The following GPT2 variants were observed in gnomAD, a reference collection of about 807,000 sequenced individuals.
GPT2 encodes alanine aminotransferase 2.
A neutral mutation model predicts 56.9 loss-of-function variants in GPT2; 30 were observed. The ratio of observed to expected loss-of-function variants is 0.53; its 90% confidence interval spans 0.39 to 0.72. The LOEUF (loss-of-function observed/expected upper bound fraction) is 0.72. Among genes scored for constraint, GPT2 ranks in the 30% least tolerant of loss-of-function variants. The pLI, the probability that GPT2 is intolerant of heterozygous loss-of-function variation, is 0.00. For synonymous variants in GPT2, 271 were observed against 283.1 expected, an observed-to-expected ratio of 0.96 and a Z score of 0.43; for missense variants, 542 against 703.4, an observed-to-expected ratio of 0.77 and a Z score of 2.60.
chr16:46,905,058 G>T (rs1043687528), intron 4 of GPT2, among the ~76,000 whole-genome samples: 4 of 149,562 alleles, frequency 2.7e-5, no homozygotes, highest in African/African-American at 9.8e-5. Context: ...CCAGTTCAGG[G>T]CTTTTTTTTT....
At chr16:46,901,617 T>A (rs1259171903) in intron 4 of GPT2, among the ~76,000 whole-genome samples, 1 of 152,250 alleles carries the variant, frequency 6.6e-6, no homozygotes, top group Non-Finnish European at 1.5e-5. Flanking sequence ...TGAGCCCTGA[T>A]GTTCCCGAAA....
At chr16:46,917,476 G>T (rs909902204) in intron 7 of GPT2, among the ~76,000 whole-genome samples, 2 of 152,166 alleles carry the variant, frequency 1.3e-5, no homozygotes, top group African/African-American at 4.8e-5. Flanking sequence ...TCTTAACCCG[G>T]TACCTGTTGC....
At chr16:46,885,515 C>G (rs1223979799) in intron 2 of GPT2, 1 of 985,222 alleles carries the variant, frequency 1.0e-6, no homozygotes, top group African/African-American at 1.7e-5. Flanking sequence ...GAATTCCTTC[C>G]TTTAGGCCCC....
chr16:46,923,929 GGAAAGACAT>G, intron 9 of GPT2: 1 of 277,860 alleles, frequency 3.6e-6, no homozygotes. Context: ...CTCATTTTCT[GGAAAGACAT>G]CCTGGTACGA....
intron 2 of GPT2, among the ~76,000 whole-genome samples, chr16:46,894,513 C>G (rs988682462): frequency 1.3e-5 from 2 of 152,210 alleles, no homozygotes; most frequent in South Asian, 4.1e-4. Flanking sequence ...TAACTGCCCA[C>G]ACCCTCAACC....
intron 5 of GPT2, among the ~76,000 whole-genome samples, chr16:46,907,642 G>T (rs908539306): frequency 6.6e-6 from 1 of 152,316 alleles, no homozygotes; most frequent in East Asian, 1.9e-4. Flanking sequence ...AGCAAGGGTC[G>T]GAGTTACCAG....
chr16:46,923,806 A>C (rs1185196333), intron 9 of GPT2: 1 of 192,430 alleles, frequency 5.2e-6, no homozygotes, highest in African/African-American at 2.3e-5. Flanking sequence ...TCCCCCCCAG[A>C]TGCATTGGTG....
chr16:46,884,930 C>T lies in GPT2; in HGVS notation c.215C>T (p.Ala72Val). 6.5e-7 allele frequency: 1 copy of T among 1,528,128 alleles called. No individual in the cohort carries two copies. The highest frequency in any genetic ancestry group is 8.8e-7 in the Non-Finnish European group (1 of 1,135,450). 94.7% of individuals were successfully genotyped at this position (1,528,128 alleles called of 1,614,324 possible). Residue 72 changes from alanine to valine, a missense_variant, in exon 2 of 12, where the codon GCC becomes GTC. Coordinates refer to ENST00000340124, the MANE Select transcript of GPT2 (RefSeq NM_133443.4). ...GTGCGGGGACCCATCGTGCTCAAGG[C>T]CGGCGAGATCGAGCTCGAGCTGCAG... ...YAVRGPIVLKAGEIELELQRG... is the reference protein window; with the variant it reads ...YAVRGPIVLKVGEIELELQRG...
intron 10 of GPT2, among the ~76,000 whole-genome samples, chr16:46,926,177 G>A (rs573997481): frequency 2.6e-5 from 4 of 151,626 alleles, no homozygotes; most frequent in East Asian, 1.9e-4. Context: ...GTCCGAGCGC[G>A]GTGGCTCACG....
chr16:46,922,165 G>C, intron 8 of GPT2, 77 bp from the exon 9 acceptor site: 1 of 1,443,786 alleles, frequency 6.9e-7, no homozygotes, highest in South Asian at 1.2e-5. Flanking sequence ...GAATGCTTTC[G>C]ATTCTGGCTG....
At chr16:46,898,939 TAC>T (rs1313078613) in intron 3 of GPT2, among the ~76,000 whole-genome samples, 5 of 90,866 alleles carry the variant, frequency 5.5e-5, no homozygotes, top group South Asian at 6.5e-4. Context: ...TGTATATATA[TAC>T]ACACACATAT....
intron 4 of GPT2, among the ~76,000 whole-genome samples, chr16:46,905,995 C>T (rs1393505698): frequency 6.6e-6 from 1 of 152,210 alleles, no homozygotes; most frequent in East Asian, 1.9e-4. Context: ...GGATGCCTTG[C>T]AGTCCCAGGG....
intron 8 of GPT2, among the ~76,000 whole-genome samples, chr16:46,921,258 T>C (rs1961280601): frequency 6.6e-6 from 1 of 152,166 alleles, no homozygotes; most frequent in South Asian, 2.1e-4. Context: ...AACCTCTGCC[T>C]CCCGGTCTTG....
chr16:46,914,034 A>T (rs1961094756), intron 6 of GPT2, among the ~76,000 whole-genome samples: 1 of 152,248 alleles, frequency 6.6e-6, no homozygotes, highest in Admixed American at 6.5e-5. Context: ...AGCCCTTGTT[A>T]AGAAGTTAGC....
chr16:46,904,166 G>C (rs929034957), intron 4 of GPT2, among the ~76,000 whole-genome samples: 3 of 152,226 alleles, frequency 2.0e-5, no homozygotes, highest in Non-Finnish European at 4.4e-5. Context: ...CGAGAGAAAT[G>C]CACAGAAGAA....
chr16:46,894,121 C>T (rs1960639521), intron 2 of GPT2, among the ~76,000 whole-genome samples: 1 of 152,204 alleles, frequency 6.6e-6, no homozygotes, highest in Admixed American at 6.5e-5. Context: ...GCAAAGTGTC[C>T]AGGATCTGCA....
intron 5 of GPT2, among the ~76,000 whole-genome samples, chr16:46,909,157 C>T (rs1960993878): frequency 1.3e-5 from 2 of 152,236 alleles, no homozygotes; most frequent in South Asian, 4.1e-4. Flanking sequence ...TGATAACACA[C>T]ATTCCTGGGC....
intron 11 of GPT2, among the ~76,000 whole-genome samples, chr16:46,927,746 T>A (rs768539552): frequency 1.3e-5 from 2 of 151,976 alleles, no homozygotes; most frequent in Non-Finnish European, 2.9e-5. Context: ...TGGACAAACC[T>A]TGTCCGGTTG....
intron 10 of GPT2, among the ~76,000 whole-genome samples, chr16:46,926,012 C>T (rs1961399720): frequency 6.6e-6 from 1 of 151,228 alleles, no homozygotes; most frequent in Non-Finnish European, 1.5e-5. Flanking sequence ...GCAGTGTAAT[C>T]CCAGCTACTC....
Sources: allele counts gnomAD v4.1 joint callset (sites outside exome capture counted in the v4.1 genomes callset), GRCh38; gene constraint gnomAD v4.1.1; transcripts MANE v1.5; gene names NCBI Gene and HGNC (gene_info 2026-07-23, HGNC 2026-07-21).